SAMD8: variants seen among roughly 807,000 people sequenced by gnomAD.
SAMD8 encodes sphingomyelin synthase-related protein 1.
In SAMD8, 20 loss-of-function variants were observed where a neutral mutation model predicts 42.0. That is an observed-to-expected ratio of 0.48 (90% CI 0.34 to 0.69). The LOEUF (loss-of-function observed/expected upper bound fraction) is 0.69, where lower values mean the gene tolerates loss of function less well. SAMD8 is among the 30% of genes least tolerant of loss of function. The pLI, the probability that SAMD8 is intolerant of heterozygous loss-of-function variation, is 0.01. For synonymous variants in SAMD8, 162 were observed against 173.0 expected (o/e 0.94, Z 0.50); for missense variants, 328 against 511.6 (o/e 0.64, Z 3.46).
chr10:75,167,807 G>A (rs991586079), intron 3 of SAMD8, among the ~76,000 whole-genome samples: 3 of 152,010 alleles, frequency 2.0e-5, no homozygotes, highest in East Asian at 1.9e-4. Context: ...TGCCCAAGCT[G>A]TTGTCAAACT....
At chr10:75,140,351 C>G (rs189295587) in intron 1 of SAMD8, among the ~76,000 whole-genome samples, 2 of 152,306 alleles carry the variant, frequency 1.3e-5, no homozygotes, top group Non-Finnish European at 2.9e-5. Flanking sequence ...GTGATCCACC[C>G]GCCTCTGCCT....
At chr10:75,151,186 ATTG>A in intron 2 of SAMD8, 80 bp downstream of exon 2, 2 of 686,006 alleles carry the variant, frequency 2.9e-6, no homozygotes, top group Non-Finnish European at 4.5e-6. Context: ...TGATAATTAT[ATTG>A]TTTCTTATTG....
intron 1 of SAMD8, among the ~76,000 whole-genome samples, chr10:75,112,830 C>G (rs1291042676): frequency 1.3e-5 from 2 of 152,156 alleles, no homozygotes; most frequent in African/African-American, 4.8e-5. Flanking sequence ...GTTCCACTTT[C>G]AAAGTTTTAA....
At chr10:75,132,937 C>G (rs2395139) in intron 1 of SAMD8, among the ~76,000 whole-genome samples, 39 of 151,920 alleles carry the variant, frequency 2.6e-4, no homozygotes, top group Non-Finnish European at 1.2e-4. Context: ...TACAGTGAAC[C>G]GTGATCACAC....
intron 1 of SAMD8, among the ~76,000 whole-genome samples, chr10:75,122,422 G>A (rs1490790188): frequency 6.6e-6 from 1 of 151,898 alleles, no homozygotes; most frequent in African/African-American, 2.4e-5. Flanking sequence ...GACCAGCTTG[G>A]CCAACATGGC....
chr10:75,150,330 A>G (rs982044928), intron 1 of SAMD8, 184 bp from the exon 2 acceptor site: 6 of 388,696 alleles, frequency 1.5e-5, no homozygotes, highest in Non-Finnish European at 2.1e-5. Context: ...TACGTGGCCC[A>G]GGACTGGTCT....
chr10:75,175,575 G>T (rs1205783701), intron 4 of SAMD8, among the ~76,000 whole-genome samples: 2 of 151,714 alleles, frequency 1.3e-5, no homozygotes, highest in East Asian at 3.9e-4. Context: ...TTGAGACAGA[G>T]TCTTACTGTG....
upstream of SAMD8, chr10:75,108,039 A>G: frequency 6.2e-7 from 1 of 1,613,674 alleles, no homozygotes; most frequent in Non-Finnish European, 8.5e-7. Flanking sequence ...CGCAGAGGAG[A>G]AGTAGGCACT....
intron 1 of SAMD8, among the ~76,000 whole-genome samples, chr10:75,116,332 C>T (rs1848881086): frequency 1.3e-5 from 2 of 152,226 alleles, no homozygotes; most frequent in East Asian, 1.9e-4. Flanking sequence ...TTTAGAGCTC[C>T]TGGCCTCGAG....
At chr10:75,154,817 A>T (rs1840372751) in intron 2 of SAMD8, among the ~76,000 whole-genome samples, 1 of 152,206 alleles carries the variant, frequency 6.6e-6, no homozygotes, top group South Asian at 2.1e-4. Flanking sequence ...AGAAAATTAG[A>T]GCTAACAGAA....
At chr10:75,173,433 A>G (rs544294923) in intron 4 of SAMD8, among the ~76,000 whole-genome samples, 1 of 152,146 alleles carries the variant, frequency 6.6e-6, no homozygotes, top group Non-Finnish European at 1.5e-5. Flanking sequence ...CATCCTATTC[A>G]TTCTGCTCCG....
chr10:75,108,005 G>A, upstream of SAMD8: 6 of 1,612,806 alleles, frequency 3.7e-6, no homozygotes, highest in African/African-American at 1.3e-5. Flanking sequence ...CAGGCGTGTT[G>A]AGGGCACGGT....
chr10:75,174,199 T>G (rs2032922085), intron 4 of SAMD8, among the ~76,000 whole-genome samples: 1 of 152,120 alleles, frequency 6.6e-6, no homozygotes, highest in African/African-American at 2.4e-5. Flanking sequence ...GCGCGATCTC[T>G]GTTCACTGCA....
At chr10:75,144,085 A>G (rs928302465) in intron 1 of SAMD8, among the ~76,000 whole-genome samples, 1 of 150,138 alleles carries the variant, frequency 6.7e-6, no homozygotes, top group African/African-American at 2.5e-5. Context: ...CTCCTGCCTC[A>G]GCCTCCAGAG....
At chr10:75,104,236 G>A (rs531599526) in intron 1 of SAMD8, 2 of 460,934 alleles carry the variant, frequency 4.3e-6, no homozygotes, top group Non-Finnish European at 7.4e-6. Flanking sequence ...AGTGAGTGCA[G>A]CTGCTGGGAG....
In SAMD8 at chr10:75,150,679, G is replaced by C; in HGVS notation, c.151G>C (p.Asp51His). The change falls in exon 2 of 6, where the codon GAT (aspartate) becomes CAT (histidine). Residue 51 changes from aspartate (D) to histidine (H), a missense_variant. Physicochemically the swap from Asp to His is moderately conservative, Grantham distance 81. Transcript: ENST00000542569. ...CACATTGCTAACATTGACTGAATAT[G>C]ATCTCCGGTCTCCTCCTCTGGAAAT... ...GITLLTLTEY[D>H]LRSPPLEIKV... 2.5e-6 allele frequency: 4 copies of C among 1,614,156 alleles called. No individual in the cohort carries two copies. Among genetic ancestry groups the C allele is most frequent in the Non-Finnish European group, 3.4e-6 (4 of 1,180,034 alleles).
intron 1 of SAMD8, among the ~76,000 whole-genome samples, chr10:75,140,114 T>C (rs935020964): frequency 1.3e-5 from 2 of 152,366 alleles, no homozygotes; most frequent in Admixed American, 6.5e-5. Context: ...TATAGGTTTG[T>C]TTCTGGACTC....
rs535955316 is a variant in SAMD8, at chr10:75,148,990, A to G, written c.-15-1524A>G. Among the ~76,000 whole-genome samples, 6 of 152,334 alleles carry G rather than the reference A, an allele frequency of 3.9e-5. No homozygotes were observed. The East Asian group carries it at 1.2e-3, about 29-fold the overall frequency. The stretch of plus-strand genomic sequence containing the variant: ...ATTTTTAAAAAAGAACATTTGTATT[A>G]GAACAGTTTTTCTTTTTTTCAAGCT... On this transcript the variant is annotated intron_variant, in intron 1 of 5. Coordinates refer to ENST00000542569, the MANE Select transcript of SAMD8 (RefSeq NM_001174156.2).
chr10:75,150,548 T>C lies in SAMD8; in HGVS notation c.20T>C (p.Leu7Pro). The change falls in exon 2 of 6, where the codon CTC (leucine) becomes CCC (proline). Residue 7 changes from leucine (L) to proline (P), a missense_variant. Leu to Pro is a moderately conservative substitution (Grantham distance 98). Around this residue, in one of 2 missense-constraint regions of SAMD8, gnomAD observed 150 missense variants for 186.0 expected, o/e 0.81. Transcript: ENST00000542569. MAGPNQ[L>P]CIRRWTTKHV... The stretch of plus-strand genomic sequence containing the variant: ...GAGGAAATGGCAGGTCCTAATCAAC[T>C]CTGCATTCGCCGCTGGACTACCAAG... 6.2e-7 allele frequency: 1 copy of C among 1,613,572 alleles called. No individual in the cohort carries two copies. The highest frequency in any genetic ancestry group is 1.1e-5 in the South Asian group (1 of 90,992).
Sources: gnomAD v4.1 joint callset for allele counts (sites outside exome capture counted in the v4.1 genomes callset) on GRCh38, gnomAD v4.1.1 for gene constraint, gnomAD v4.1.1 regional missense constraint, MANE v1.5 for transcripts, NCBI Gene and HGNC (gene_info 2026-07-23, HGNC 2026-07-21) for gene names.